Variants in TBX20 observed in about 807,000 individuals in gnomAD.
TBX20 encodes T-box transcription factor 20, also known as T-box transcription factor TBX20.
Under a neutral mutation model 42.9 loss-of-function variants are expected in TBX20, and 8 were observed. The ratio of observed to expected loss-of-function variants is 0.19; its 90% CI spans 0.11 to 0.34. TBX20 has a LOEUF of 0.34. TBX20 is among the 10% of genes least tolerant of loss of function. The probability of loss-of-function intolerance (pLI) is 1.00; values close to 1 mark genes in which losing one functional copy is unlikely to be tolerated. For missense variants in TBX20, 411 were observed against 566.0 expected (o/e 0.73, Z 2.78); for synonymous variants, 198 against 222.8 (o/e 0.89, Z 0.99).
At position 35,248,762 on chromosome 7, in the gene TBX20, G is replaced by C; in HGVS notation, c.460C>G (p.Pro154Ala). ...AKYIVLMDIV[P>A]VDNKRYRYAY... is the part of the protein sequence containing the mutation. ...TAGCGGTACCTCTTGTTGTCCACAG[G>C]GACGATGTCCATCAGGACTATGTAC... The change falls in exon 3 of 8, where the codon CCT (proline) becomes GCT (alanine). Residue 154 changes from proline to alanine, a missense_variant. By Grantham distance (27) the Pro-to-Ala change is conservative. Coordinates refer to ENST00000408931, the MANE Select transcript of TBX20 (RefSeq NM_001077653.2). The C allele has an allele frequency of 6.2e-7, 1 of 1,614,144 alleles. No homozygotes were observed. The highest frequency in any genetic ancestry group is 1.1e-5 in the South Asian group (1 of 91,086).
intron 7 of TBX20, 58 bp downstream of exon 7, chr7:35,204,412 C>A: frequency 8.6e-7 from 1 of 1,164,502 alleles, no homozygotes; most frequent in Non-Finnish European, 1.3e-6. Context: ...GACCTGCCCC[C>A]ATTCTCCTTT....
At chr7:35,223,807 C>T (rs1361227190) in intron 6 of TBX20, among the ~76,000 whole-genome samples, 1 of 152,100 alleles carries the variant, frequency 6.6e-6, no homozygotes, top group Admixed American at 6.5e-5. Flanking sequence ...AAAAGTTTTT[C>T]TGAGGAACTT....
At chr7:35,209,812 T>C (rs1177809899) in intron 6 of TBX20, among the ~76,000 whole-genome samples, 1 of 152,222 alleles carries the variant, frequency 6.6e-6, no homozygotes, top group Non-Finnish European at 1.5e-5. Flanking sequence ...CTGGAAGTAA[T>C]GTTTTAGCAG....
chr7:35,214,561 T>C (rs1442661623), intron 6 of TBX20, among the ~76,000 whole-genome samples: 2 of 152,164 alleles, frequency 1.3e-5, no homozygotes, highest in African/African-American at 2.4e-5. Flanking sequence ...CCAGCTGCCA[T>C]ATATTTTAAT....
intron 6 of TBX20, among the ~76,000 whole-genome samples, chr7:35,212,470 T>C (rs563893667): frequency 1.3e-5 from 2 of 152,210 alleles, no homozygotes; most frequent in African/African-American, 2.4e-5. Flanking sequence ...ATACTAGGCA[T>C]TGTGAATTTT....
At chr7:35,213,921 T>G (rs1197316571) in intron 6 of TBX20, among the ~76,000 whole-genome samples, 2 of 135,498 alleles carry the variant, frequency 1.5e-5, no homozygotes, top group Admixed American at 7.5e-5. Context: ...TAATGAGTGA[T>G]GAGGGTAAAG....
Position 35,253,686 on chromosome 7 carries a change from G to A in TBX20, c.-66C>T. Reference sequence around the variant, plus strand: ...GAACTGCCGTCCAGATTCCCCAAGGGAGACAAAGACCCGAAACACAGCTCA... The same window carrying A: ...GAACTGCCGTCCAGATTCCCCAAGGAAGACAAAGACCCGAAACACAGCTCA... On this transcript the variant is annotated 5_prime_UTR_variant, in exon 1 of 8. Transcript: ENST00000408931. 2 of 1,580,080 alleles carry A rather than the reference G, an allele frequency of 1.3e-6. No individual in the cohort carries two copies. Among genetic ancestry groups the A allele is most frequent in the Non-Finnish European group, 8.6e-7 (1 of 1,166,596 alleles).
intron 6 of TBX20, among the ~76,000 whole-genome samples, chr7:35,229,578 C>T (rs1022880597): frequency 5.3e-5 from 8 of 152,188 alleles, no homozygotes; most frequent in African/African-American, 1.9e-4. Context: ...GCTCCCACAT[C>T]AGGATGCTTA....
chr7:35,210,010 A>C (rs758603391), intron 6 of TBX20, among the ~76,000 whole-genome samples: 2 of 152,100 alleles, frequency 1.3e-5, no homozygotes, highest in Admixed American at 6.6e-5. Flanking sequence ...ACGGTCAGAG[A>C]GCCCACTTTG....
intron 4 of TBX20, among the ~76,000 whole-genome samples, chr7:35,244,272 T>A (rs560195099): frequency 7.7e-4 from 118 of 152,336 alleles, no homozygotes; most frequent in African/African-American, 2.7e-3. Flanking sequence ...ACCTGCATCA[T>A]TGACTATTTG....
chr7:35,235,081 A>G (rs1219395835), intron 5 of TBX20, among the ~76,000 whole-genome samples: 2 of 152,128 alleles, frequency 1.3e-5, no homozygotes, highest in Admixed American at 1.3e-4. Flanking sequence ...ACTAAGTGAA[A>G]CCATGAATTT....
intron 6 of TBX20, among the ~76,000 whole-genome samples, chr7:35,220,669 T>C (rs1296515914): frequency 2.6e-5 from 4 of 152,172 alleles, no homozygotes; most frequent in Admixed American, 6.5e-5. Flanking sequence ...GCTCCTAATA[T>C]TAAACAGACA....
chr7:35,228,888 G>A (rs1169824856), intron 6 of TBX20, among the ~76,000 whole-genome samples: 2 of 152,262 alleles, frequency 1.3e-5, no homozygotes, highest in East Asian at 3.9e-4. Flanking sequence ...TTTTCTTTTA[G>A]AAATGAGGAA....
intron 6 of TBX20, among the ~76,000 whole-genome samples, chr7:35,229,987 CT>C (rs1376414399): frequency 2.6e-5 from 4 of 151,682 alleles, no homozygotes; most frequent in Non-Finnish European, 5.9e-5. Flanking sequence ...TAAGCCCTAA[CT>C]TTTTTTTTCT....
chr7:35,204,575 C>T lies in TBX20; in HGVS notation c.898G>A (p.Val300Met). Residue 300 changes from valine to methionine, a missense_variant, in exon 7 of 8, where the codon GTG (valine) becomes ATG (methionine). Physicochemically the swap from Val to Met is conservative, Grantham distance 21. This residue lies in a region of TBX20 where 162 missense variants were observed against 205.4 expected (regional missense o/e 0.79). Coordinates refer to ENST00000408931, the MANE Select transcript of TBX20 (RefSeq NM_001077653.2). ...GAATGCTTTTGAATCAGGCTCTCCA[C>T]ACTTTCCCTAGGTTAGAGTGACATA... ...SRLTDIERES[V>M]ESLIQKHSYA... The T allele has an allele frequency of 6.2e-7, 1 of 1,612,748 alleles. No homozygotes were observed. Among genetic ancestry groups the T allele is most frequent in the Non-Finnish European group, 8.5e-7 (1 of 1,178,824 alleles).
rs1790312456 is a variant in TBX20 at position 35,251,906 on chromosome 7, G to C, written c.127+1588C>G. On this transcript the variant is annotated intron_variant, in intron 1 of 7. Transcript: ENST00000408931. ...ACAAGAACGCCTGCTAGTTCTTTCAGAGCCCATCTCAAAAGCCAGGAGAGG... is the reference window on the plus strand; with the variant it reads ...ACAAGAACGCCTGCTAGTTCTTTCACAGCCCATCTCAAAAGCCAGGAGAGG... Among the ~76,000 whole-genome samples the C allele has an allele frequency of 3.3e-5, 5 of 152,124 alleles. No homozygotes were observed. In the South Asian group the frequency reaches 1.0e-3, roughly 32 times the overall value.
chr7:35,236,096 C>T (rs1789959764), intron 5 of TBX20, among the ~76,000 whole-genome samples: 1 of 152,090 alleles, frequency 6.6e-6, no homozygotes, highest in South Asian at 2.1e-4. Flanking sequence ...CATTCCCTCA[C>T]AAAAACCAGA....
intron 1 of TBX20, among the ~76,000 whole-genome samples, chr7:35,250,662 C>A (rs1302393212): frequency 6.6e-6 from 1 of 152,150 alleles, no homozygotes; most frequent in African/African-American, 2.4e-5. Flanking sequence ...ACCTTCCTCA[C>A]CTGGAGAGGA....
chr7:35,250,885 T>G (rs1790292730), intron 1 of TBX20, among the ~76,000 whole-genome samples: 1 of 152,216 alleles, frequency 6.6e-6, no homozygotes, highest in South Asian at 2.1e-4. Flanking sequence ...GCATACAGCT[T>G]GCTAAATCAC....
Sources: gnomAD v4.1 joint callset for allele counts (sites outside exome capture counted in the v4.1 genomes callset) on GRCh38, gnomAD v4.1.1 for gene constraint, gnomAD v4.1.1 regional missense constraint, MANE v1.5 for transcripts, NCBI Gene and HGNC (gene_info 2026-07-23, HGNC 2026-07-21) for gene names.